Variants in FKBP10 observed in about 807,000 individuals in gnomAD.
The protein encoded by FKBP10 is FKBP prolyl isomerase 10.
A neutral mutation model predicts 53.7 loss-of-function variants in FKBP10; 34 were observed. That is an observed-to-expected ratio of 0.63 (90% confidence interval 0.48 to 0.84). FKBP10 has a LOEUF of 0.84. Ranked by LOEUF, FKBP10 falls within the 40% of genes least tolerant of loss-of-function variation. The probability of loss-of-function intolerance (pLI) is 0.00; values close to 1 mark genes in which losing one functional copy is unlikely to be tolerated. For missense variants in FKBP10, 748 were observed against 797.8 expected, an observed-to-expected ratio of 0.94 and a Z score of 0.75; for synonymous variants, 324 against 335.7, an observed-to-expected ratio of 0.97 and a Z score of 0.38.
At position 41,820,255 on chromosome 17, in the gene FKBP10, C is replaced by G. The variant is rs782773984; in HGVS notation, c.1064-14C>G. ...GTGCTCTGAGCTGACCACACTCCCCCATTCTGGCCTCAGGAGACAAGATCC... is the reference window on the plus strand; with the variant it reads ...GTGCTCTGAGCTGACCACACTCCCCGATTCTGGCCTCAGGAGACAAGATCC... On this transcript the variant is annotated splice_polypyrimidine_tract_variant and intron_variant, in intron 6 of 9. Coordinates refer to ENST00000321562, the MANE Select transcript of FKBP10 (RefSeq NM_021939.4). The G allele has an allele frequency of 3.1e-6, 5 of 1,613,886 alleles. No individual in the cohort carries two copies. Among genetic ancestry groups the G allele is most frequent in the African/African-American group, 2.7e-5 (2 of 74,928 alleles).
intron 6 of FKBP10, 146 bp from the exon 7 acceptor site, chr17:41,820,123 T>C: frequency 8.1e-7 from 1 of 1,230,768 alleles, no homozygotes; most frequent in Non-Finnish European, 1.1e-6. Flanking sequence ...TTTGTTAGAA[T>C]TGACTCTGGA....
intron 4 of FKBP10, 122 bp downstream of exon 4, chr17:41,818,649 G>A: frequency 7.6e-7 from 1 of 1,320,318 alleles, no homozygotes; most frequent in Non-Finnish European, 1.1e-6. Context: ...AAGGTGGGAT[G>A]AAATCTACCC....
intron 4 of FKBP10, 77 bp downstream of exon 4, chr17:41,818,604 T>A: frequency 3.8e-6 from 6 of 1,578,420 alleles, no homozygotes; most frequent in South Asian, 1.1e-5. Flanking sequence ...GTTGCTCAGG[T>A]TGTATACTGC....
intron 8 of FKBP10, 52 bp from the exon 9 acceptor site, chr17:41,821,602 C>A (rs1023721302): frequency 6.2e-7 from 1 of 1,605,642 alleles, no homozygotes; most frequent in African/African-American, 1.3e-5. Flanking sequence ...GAAGCCAGGC[C>A]CAGACCCCGG....
In FKBP10 at chr17:41,819,557, C is replaced by T; in HGVS notation, c.945C>T (p.Thr315=). The change falls in exon 6 of 10, where the codon ACC becomes ACT. Residue 315 remains threonine (T), a synonymous_variant. Transcript: ENST00000321562. The part of the protein sequence containing the change: ...SSYSRNHTYN[T]YIGQGYIIPG... ...ACTCCCGCAACCACACCTACAATAC[C>T]TATATCGGGCAGGGTTACATCATCC... is the stretch of plus-strand genomic sequence containing the variant. The T allele has an allele frequency of 6.2e-7, 1 of 1,614,136 alleles. No individual in the cohort carries two copies. The highest frequency in any genetic ancestry group is 8.5e-7 in the Non-Finnish European group (1 of 1,180,018).
At chr17:41,814,471 A>G (rs1440320940) in intron 1 of FKBP10, among the ~76,000 whole-genome samples, 2 of 152,222 alleles carry the variant, frequency 1.3e-5, no homozygotes, top group African/African-American at 4.8e-5. Context: ...TTCAGCACAC[A>G]TTAACATTGA....
chr17:41,814,927 T>C (rs1555615909), intron 1 of FKBP10, among the ~76,000 whole-genome samples: 1 of 152,146 alleles, frequency 6.6e-6, no homozygotes, highest in African/African-American at 2.4e-5. Flanking sequence ...GTTTTTGTTT[T>C]TTGAGACACA....
In FKBP10 at chr17:41,819,232, C is replaced by T. The variant is rs1555616554; in HGVS notation, c.750C>T (p.Ala250=). ...CAGGGACAGTGATCCCCCCACAGGC[C>T]TCGCTGGTCTTTCACGTCCTCCTGA... ...KGYGTVIPPQ[A]SLVFHVLLID... is the part of the protein sequence containing the mutation. Residue 250 remains alanine (A), a synonymous_variant, in exon 5 of 10, where the codon GCC becomes GCT. Coordinates refer to ENST00000321562, the MANE Select transcript of FKBP10 (RefSeq NM_021939.4). 1.2e-6 allele frequency: 2 copies of T among 1,614,174 alleles called. No individual in the cohort carries two copies. The highest frequency in any genetic ancestry group is 2.2e-5 in the South Asian group (2 of 91,084).
rs2144052281 is a variant in FKBP10, at chr17:41,817,050, C to A, written c.246-8C>A. ...GTCACTGTATCCCATCTGTCCCTCC[C>A]CCCCCAGCTATGATCGCAACACCTT... On this transcript the variant is annotated splice_region_variant and splice_polypyrimidine_tract_variant and intron_variant, in intron 1 of 9. Transcript: ENST00000321562. The A allele has an allele frequency of 4.3e-6, 7 of 1,613,994 alleles. No homozygotes were observed. The highest frequency in any genetic ancestry group is 1.1e-5 in the South Asian group (1 of 91,090).
At chr17:41,821,181 G>A in intron 8 of FKBP10, 92 bp downstream of exon 8, 1 of 1,428,426 alleles carries the variant, frequency 7.0e-7, no homozygotes, top group Non-Finnish European at 9.3e-7. Context: ...GGAGTGCAGT[G>A]GTGTGCTCTC....
rs1447747142 is a variant in FKBP10 at position 41,819,219 on chromosome 17, T to C, written c.737T>C (p.Ile246Thr). The part of the protein sequence containing the change: ...AYGEKGYGTV[I>T]PPQASLVFHV... ...CCTATCCCTTCCCCAGGGACAGTGATCCCCCCACAGGCCTCGCTGGTCTTT... is the reference window on the plus strand; with the variant it reads ...CCTATCCCTTCCCCAGGGACAGTGACCCCCCCACAGGCCTCGCTGGTCTTT... Residue 246 changes from isoleucine to threonine, a missense_variant, in exon 5 of 10, where the codon ATC (isoleucine) becomes ACC (threonine). Transcript: ENST00000321562. 1.2e-6 allele frequency: 2 copies of C among 1,613,994 alleles called. No homozygotes were observed. The highest frequency in any genetic ancestry group is 1.7e-6 in the Non-Finnish European group (2 of 1,179,996).
chr17:41,817,635 C>CTTT (rs148933145), intron 2 of FKBP10, among the ~76,000 whole-genome samples: 10 of 144,516 alleles, frequency 6.9e-5, no homozygotes, highest in African/African-American at 2.3e-4. Flanking sequence ...TTTTCTTTTT[C>CTTT]TTTTTTTTTT....
intron 1 of FKBP10, among the ~76,000 whole-genome samples, chr17:41,814,455 A>C (rs1374579390): frequency 6.6e-6 from 1 of 152,256 alleles, no homozygotes; most frequent in East Asian, 1.9e-4. Flanking sequence ...GCAGTCCTCC[A>C]GCCAGTTCAG....
In FKBP10 at chr17:41,819,564, G is replaced by A. The variant is rs1293241373; in HGVS notation, c.952G>A (p.Gly318Arg). The A allele has an allele frequency of 5.0e-6, 8 of 1,613,874 alleles. No homozygotes were observed. Among genetic ancestry groups the A allele is most frequent in the South Asian group, 1.1e-5 (1 of 91,064 alleles). The change falls in exon 6 of 10, where the codon GGG becomes AGG. Residue 318 changes from glycine (G) to arginine (R), a missense_variant. By Grantham distance (125) the Gly-to-Arg change is moderately radical. Transcript: ENST00000321562. ...CAACCACACCTACAATACCTATATCGGGCAGGGTTACATCATCCCCGGGAT... is the reference window on the plus strand; with the variant it reads ...CAACCACACCTACAATACCTATATCAGGCAGGGTTACATCATCCCCGGGAT... ...SRNHTYNTYI[G>R]QGYIIPGMDQ...
Position 41,818,405 on chromosome 17 carries a change from A to G in FKBP10, c.605A>G (p.Asp202Gly). ...DTSYSKGGTY[D>G]TYVGSGWLIK... Reference sequence around the variant, plus strand: ...AGCTACAGTAAGGGCGGCACTTATGACACCTACGTCGGCTCTGGTTGGCTG... The same window carrying G: ...AGCTACAGTAAGGGCGGCACTTATGGCACCTACGTCGGCTCTGGTTGGCTG... The change falls in exon 4 of 10, where the codon GAC becomes GGC. Residue 202 changes from aspartate to glycine, a missense_variant. By Grantham distance (94) the Asp-to-Gly change is moderately conservative. Coordinates refer to ENST00000321562, the MANE Select transcript of FKBP10 (RefSeq NM_021939.4). 1 of 1,614,158 alleles carries G rather than the reference A, an allele frequency of 6.2e-7. No individual in the cohort carries two copies. The highest frequency in any genetic ancestry group is 8.5e-7 in the Non-Finnish European group (1 of 1,180,036).
Position 41,813,055 on chromosome 17 carries a change from C to T in FKBP10, c.21C>T (p.Pro7=), listed in dbSNP as rs781985978. Residue 7 remains proline, a synonymous_variant, in exon 1 of 10, where the codon CCC becomes CCT. Transcript: ENST00000321562. MFPAGP[P]SHSLLRLPLL... Reference sequence around the variant, plus strand: ...GCACCATGTTCCCCGCGGGCCCCCCCAGCCACAGCCTCCTCCGGCTCCCCC... The same window carrying T: ...GCACCATGTTCCCCGCGGGCCCCCCTAGCCACAGCCTCCTCCGGCTCCCCC... The T allele has an allele frequency of 1.9e-4, 305 of 1,610,298 alleles. 4 individuals carry two copies. In the Middle Eastern group the frequency reaches 8.6e-3, roughly 45 times the overall value.
chr17:41,822,744 C>A lies in FKBP10; in HGVS notation c.*336C>A. 1 of 409,308 alleles carries A rather than the reference C, an allele frequency of 2.4e-6. No individual in the cohort carries two copies. Among genetic ancestry groups the A allele is most frequent in the Non-Finnish European group, 4.6e-6 (1 of 217,290 alleles). The allele number at this position is 409,308 out of a possible 1,614,324, so 25.4% of individuals were successfully genotyped here. A position where few individuals can be genotyped will look rare whatever the true frequency, so the allele number is the denominator to read the frequency against. ...CCTCCACATCACTGACACAGCTGAGCTTGTTATCCATCTCCCCAAACTTTC... is the reference window on the plus strand; with the variant it reads ...CCTCCACATCACTGACACAGCTGAGATTGTTATCCATCTCCCCAAACTTTC... On this transcript the variant is annotated 3_prime_UTR_variant, in exon 10 of 10. Coordinates refer to ENST00000321562, the MANE Select transcript of FKBP10 (RefSeq NM_021939.4).
Position 41,821,810 on chromosome 17 carries a change from C to T in FKBP10, c.1556C>T (p.Pro519Leu), listed in dbSNP as rs140883152. 285 of 1,614,016 alleles carry T rather than the reference C, an allele frequency of 1.8e-4. No individual in the cohort carries two copies. The highest frequency in any genetic ancestry group is 2.3e-4 in the Non-Finnish European group (267 of 1,180,026). The part of the protein sequence containing the change: ...MDLNKDGEVP[P>L]EEFSTFIKAQ... ...CTCAACAAGGATGGCGAGGTCCCTC[C>T]GGAGGAGGTGGGTGAAGGTTCAGTC... Residue 519 changes from proline (P) to leucine (L), a missense_variant, in exon 9 of 10, where the codon CCG (proline) becomes CTG (leucine). Coordinates refer to ENST00000321562, the MANE Select transcript of FKBP10 (RefSeq NM_021939.4).
chr17:41,818,103 C>A lies in FKBP10; in HGVS notation c.406C>A (p.Pro136Thr). ...GSIGLAGLIP[P>T]DATLYFDVVL... The stretch of plus-strand genomic sequence containing the variant: ...CGCTCTCACAGCGGGGCTCATTCCA[C>A]CGGATGCCACCCTCTACTTCGATGT... The change falls in exon 3 of 10, where the codon CCG (proline) becomes ACG (threonine). Residue 136 changes from proline (P) to threonine (T), a missense_variant. Physicochemically the swap from Pro to Thr is conservative, Grantham distance 38 (BLOSUM62 -1). Transcript: ENST00000321562. 1 of 1,611,292 alleles carries A rather than the reference C, an allele frequency of 6.2e-7. No homozygotes were observed. Among genetic ancestry groups the A allele is most frequent in the Non-Finnish European group, 8.5e-7 (1 of 1,178,852 alleles).
Sources: allele counts gnomAD v4.1 joint callset (sites outside exome capture counted in the v4.1 genomes callset), GRCh38; gene constraint gnomAD v4.1.1; transcripts MANE v1.5; gene names NCBI Gene and HGNC (gene_info 2026-07-23, HGNC 2026-07-21).